TNRC6A: variants seen among roughly 807,000 people sequenced by gnomAD.
TNRC6A encodes the protein trinucleotide repeat containing adaptor 6A.
TNRC6A carries 44 observed loss-of-function variants against 221.2 expected under a neutral mutation model. The ratio of observed to expected loss-of-function variants is 0.20; its 90% CI spans 0.16 to 0.26. The LOEUF (loss-of-function observed/expected upper bound fraction) is 0.26. Ranked by LOEUF, TNRC6A falls within the 10% of genes least tolerant of loss-of-function variation. The pLI is 1.00. For missense variants in TNRC6A, 2,199 were observed against 2,404.4 expected (o/e 0.91, Z 1.79); for synonymous variants, 847 against 838.5 (o/e 1.01, Z -0.18).
At chr16:24,820,435 C>T in intron 22 of TNRC6A, 75 bp downstream of exon 22, 1 of 1,356,374 alleles carries the variant, frequency 7.4e-7, no homozygotes. Flanking sequence ...TCGAGTTTAA[C>T]AGAGACCTGA....
chr16:24,785,243 G>T (rs2057941329), intron 5 of TNRC6A, among the ~76,000 whole-genome samples: 1 of 152,072 alleles, frequency 6.6e-6, no homozygotes, highest in South Asian at 2.1e-4. Flanking sequence ...TTTTTAGAGG[G>T]TTACTTCCCC....
intron 23 of TNRC6A, 63 bp downstream of exon 23, chr16:24,822,210 G>A (rs1450749608): frequency 6.5e-7 from 1 of 1,539,510 alleles, no homozygotes. Flanking sequence ...CAGAGGTTCG[G>A]GTCTGTATGT....
chr16:24,636,372 ATT>A (rs34517197), intron 1 of TNRC6A, among the ~76,000 whole-genome samples: 219 of 140,248 alleles, frequency 1.6e-3, no homozygotes, highest in African/African-American at 1.8e-3. Context: ...GGACTTTGTG[ATT>A]TTTTTTTTTT....
intron 5 of TNRC6A, among the ~76,000 whole-genome samples, chr16:24,788,572 T>C (rs986745129): frequency 5.3e-5 from 8 of 152,188 alleles, no homozygotes; most frequent in African/African-American, 1.4e-4. Flanking sequence ...TGTCTTTCCA[T>C]GTCAGGCTTC....
chr16:24,615,610 C>A (rs1900301371), intron 1 of TNRC6A, among the ~76,000 whole-genome samples: 1 of 152,114 alleles, frequency 6.6e-6, no homozygotes, highest in Non-Finnish European at 1.5e-5. Context: ...GAGAAAGTGA[C>A]CAACTGGGTT....
chr16:24,650,132 C>A (rs1391120518), intron 2 of TNRC6A, among the ~76,000 whole-genome samples: 2 of 151,954 alleles, frequency 1.3e-5, no homozygotes, highest in African/African-American at 4.8e-5. Flanking sequence ...CCTCCAGTCT[C>A]TTAATTTACT....
chr16:24,752,052 TAGG>T (rs1272844578), intron 3 of TNRC6A, among the ~76,000 whole-genome samples: 1 of 152,156 alleles, frequency 6.6e-6, no homozygotes, highest in Middle Eastern at 3.2e-3. Context: ...TAGGAAAGGC[TAGG>T]AGGTTTTCTC....
chr16:24,674,763 T>C (rs2055374917), intron 2 of TNRC6A, among the ~76,000 whole-genome samples: 1 of 151,180 alleles, frequency 6.6e-6, no homozygotes, highest in South Asian at 2.1e-4. Flanking sequence ...TGAACAATCA[T>C]GTGACGTAAA....
At chr16:24,750,885 T>TCATTTTCAC in intron 3 of TNRC6A, 72 bp downstream of exon 3, 1 of 1,275,052 alleles carries the variant, frequency 7.8e-7, no homozygotes, top group South Asian at 2.6e-5. Flanking sequence ...TCTTACAGAT[T>TCATTTTCAC]TTGAAGGCAT....
intron 2 of TNRC6A, among the ~76,000 whole-genome samples, chr16:24,749,333 G>T (rs922695860): frequency 1.3e-5 from 2 of 152,174 alleles, no homozygotes; most frequent in Admixed American, 6.5e-5. Flanking sequence ...AGTGGCAGCA[G>T]CCTCCAGTAA....
intron 2 of TNRC6A, among the ~76,000 whole-genome samples, chr16:24,738,040 A>G (rs1261586667): frequency 1.3e-5 from 2 of 152,360 alleles, no homozygotes; most frequent in African/African-American, 2.4e-5. Context: ...GGGTCATAAA[A>G]TGTGCATTCT....
intron 4 of TNRC6A, 97 bp from the exon 5 acceptor site, chr16:24,776,836 G>T: frequency 6.6e-7 from 1 of 1,516,486 alleles, no homozygotes; most frequent in Non-Finnish European, 8.8e-7. Context: ...GTTTTTTTAG[G>T]ATTATTTTTC....
chr16:24,626,048 T>C (rs1389198150), intron 1 of TNRC6A, among the ~76,000 whole-genome samples: 2 of 152,176 alleles, frequency 1.3e-5, no homozygotes, highest in African/African-American at 4.8e-5. Flanking sequence ...AGGGGTTACA[T>C]GTGCAGGTTT....
At chr16:24,625,702 C>T (rs148157442) in intron 1 of TNRC6A, among the ~76,000 whole-genome samples, 2,997 of 126,298 alleles carry the variant, frequency 0.024, 103 homozygotes, top group African/African-American at 0.086. Context: ...GTCCGCAGTC[C>T]GGCCTGGGCG....
chr16:24,655,206 T>G (rs1333140935), intron 2 of TNRC6A, among the ~76,000 whole-genome samples: 1 of 152,026 alleles, frequency 6.6e-6, no homozygotes. Context: ...ATCGTGCCAC[T>G]GCACTCTAGT....
intron 2 of TNRC6A, among the ~76,000 whole-genome samples, chr16:24,681,377 G>A (rs1448446180): frequency 6.6e-6 from 1 of 151,956 alleles, no homozygotes; most frequent in South Asian, 2.1e-4. Context: ...ACAGGCATGC[G>A]CCACCATGCC....
At chr16:24,669,941 C>G (rs1007386080) in intron 2 of TNRC6A, among the ~76,000 whole-genome samples, 1 of 27,162 alleles carries the variant, frequency 3.7e-5, no homozygotes, top group Non-Finnish European at 6.6e-5. Flanking sequence ...GAGGCAGCTA[C>G]TTTTTTTTTT....
intron 2 of TNRC6A, among the ~76,000 whole-genome samples, chr16:24,643,112 T>A (rs1215005870): frequency 1.5e-5 from 2 of 131,670 alleles, no homozygotes; most frequent in East Asian, 2.1e-4. Context: ...ATATATAAAA[T>A]ATATATATAT....
At chr16:24,706,717 C>T (rs2056100780) in intron 2 of TNRC6A, among the ~76,000 whole-genome samples, 2 of 145,988 alleles carry the variant, frequency 1.4e-5, no homozygotes, top group Admixed American at 6.9e-5. Flanking sequence ...AAAAAAGTTT[C>T]GTACTTGTGC....
Sources: gnomAD v4.1 joint callset for allele counts (sites outside exome capture counted in the v4.1 genomes callset) on GRCh38, gnomAD v4.1.1 for gene constraint, MANE v1.5 for transcripts, NCBI Gene and HGNC (gene_info 2026-07-23, HGNC 2026-07-21) for gene names.